The following SYNDIG1 variants were observed in gnomAD, a reference collection of about 807,000 sequenced individuals.
The protein encoded by SYNDIG1 is synapse differentiation inducing 1.
A neutral mutation model predicts 19.4 loss-of-function variants in SYNDIG1; 9 were observed. The observed-to-expected ratio is 0.46, with a 90% CI of 0.28 to 0.81. The LOEUF (loss-of-function observed/expected upper bound fraction) is 0.81. SYNDIG1 is among the 30% of genes least tolerant of loss of function. SYNDIG1 has a pLI of 0.12. For missense variants in SYNDIG1, 311 were observed against 343.3 expected, an observed-to-expected ratio of 0.91 and a Z score of 0.74; for synonymous variants, 141 against 145.9, an observed-to-expected ratio of 0.97 and a Z score of 0.24.
intron 1 of SYNDIG1, among the ~76,000 whole-genome samples, chr20:24,489,554 G>A (rs975432495): frequency 2.0e-5 from 3 of 151,918 alleles, no homozygotes; most frequent in African/African-American, 7.3e-5. Flanking sequence ...CATGCTCACA[G>A]GGACAGGCAC....
At chr20:24,483,573 C>T (rs571050880) in intron 1 of SYNDIG1, among the ~76,000 whole-genome samples, 80 of 152,342 alleles carry the variant, frequency 5.3e-4, no homozygotes, top group South Asian at 2.1e-3. Flanking sequence ...CTTGAAAGAG[C>T]GTGCTCTGCA....
intron 1 of SYNDIG1, among the ~76,000 whole-genome samples, chr20:24,522,388 G>A (rs1400002303): frequency 6.6e-6 from 1 of 152,134 alleles, no homozygotes; most frequent in Non-Finnish European, 1.5e-5. Flanking sequence ...CATGTACCTG[G>A]CCGCATCAAG....
chr20:24,557,828 C>T (rs544885667), intron 2 of SYNDIG1, among the ~76,000 whole-genome samples: 4 of 152,314 alleles, frequency 2.6e-5, no homozygotes, highest in African/African-American at 9.6e-5. Flanking sequence ...AACCACTGCT[C>T]TCTTCAAAGC....
chr20:24,527,374 T>C (rs2057145300), intron 1 of SYNDIG1, among the ~76,000 whole-genome samples: 1 of 152,204 alleles, frequency 6.6e-6, no homozygotes, highest in African/African-American at 2.4e-5. Context: ...TTTATTCTGG[T>C]AGTCACTTGT....
At position 24,619,095 on chromosome 20, in the gene SYNDIG1, C is replaced by T. The variant is rs2058997753; in HGVS notation, c.618+34102C>T. Among the ~76,000 whole-genome samples the T allele has an allele frequency of 2.0e-5, 3 of 152,042 alleles. 1 individual carries two copies. The highest frequency in any genetic ancestry group is 2.0e-4 in the Admixed American group (3 of 15,272). On this transcript the variant is annotated intron_variant, in intron 3 of 3. Coordinates refer to ENST00000376862, the MANE Select transcript of SYNDIG1 (RefSeq NM_024893.3). ...GAAGCCTCCTGGAATTTAAAACTGCCAAAAGGGTTAAAGAAAAGCTGTGGT... is the reference window on the plus strand; with the variant it reads ...GAAGCCTCCTGGAATTTAAAACTGCTAAAAGGGTTAAAGAAAAGCTGTGGT...
chr20:24,474,580 G>C (rs561294627), intron 1 of SYNDIG1, among the ~76,000 whole-genome samples: 2 of 152,234 alleles, frequency 1.3e-5, no homozygotes, highest in Non-Finnish European at 2.9e-5. Flanking sequence ...TCCGTGTTCA[G>C]TGTGAAAAAC....
At chr20:24,493,961 C>G (rs868233328) in intron 1 of SYNDIG1, among the ~76,000 whole-genome samples, 65 of 152,330 alleles carry the variant, frequency 4.3e-4, no homozygotes, top group African/African-American at 1.5e-3. Flanking sequence ...GGAGGAGACC[C>G]AGCCCTGGAA....
chr20:24,617,578 C>T (rs544922131), intron 3 of SYNDIG1, among the ~76,000 whole-genome samples: 1 of 152,338 alleles, frequency 6.6e-6, no homozygotes, highest in East Asian at 1.9e-4. Flanking sequence ...GGGCCCCAGA[C>T]ATAGGCAACC....
Position 24,573,739 on chromosome 20 carries a change from G to A in SYNDIG1, c.481-11117G>A, listed in dbSNP as rs140114251. Reference sequence around the variant, plus strand: ...GTTTCTCATCCTGCATGACGTATTCGTCATGTGTCTGTCACCTCCTCTCAA... The same window carrying A: ...GTTTCTCATCCTGCATGACGTATTCATCATGTGTCTGTCACCTCCTCTCAA... On this transcript the variant is annotated intron_variant, in intron 2 of 3. Coordinates refer to ENST00000376862, the MANE Select transcript of SYNDIG1 (RefSeq NM_024893.3). 1.1e-3 allele frequency among the ~76,000 whole-genome samples: 162 copies of A among 152,304 alleles called. 2 individuals are homozygous for A. The highest frequency in any genetic ancestry group is 3.6e-3 in the African/African-American group (151 of 41,552).
chr20:24,657,266 G>C (rs2059535448), intron 3 of SYNDIG1, among the ~76,000 whole-genome samples: 1 of 152,244 alleles, frequency 6.6e-6, no homozygotes, highest in Non-Finnish European at 1.5e-5. Context: ...TGGTGCAGCA[G>C]CCGCAGTTCC....
intron 1 of SYNDIG1, among the ~76,000 whole-genome samples, chr20:24,489,679 G>A (rs1480465439): frequency 6.6e-6 from 1 of 152,176 alleles, no homozygotes; most frequent in Non-Finnish European, 1.5e-5. Flanking sequence ...ACACAGAAAT[G>A]CACACACAGG....
intron 3 of SYNDIG1, among the ~76,000 whole-genome samples, chr20:24,650,940 A>G (rs1020780487): frequency 2.6e-5 from 4 of 152,140 alleles, no homozygotes; most frequent in South Asian, 2.1e-4. Context: ...GGCTCAAGCA[A>G]TTCTCCTGAG....
chr20:24,580,044 G>A (rs1020061051), intron 2 of SYNDIG1, among the ~76,000 whole-genome samples: 2 of 152,212 alleles, frequency 1.3e-5, no homozygotes, highest in East Asian at 3.8e-4. Context: ...GGCCCTGGAG[G>A]GCACCTGCCT....
intron 1 of SYNDIG1, among the ~76,000 whole-genome samples, chr20:24,531,224 C>T (rs144233659): frequency 1.4e-4 from 21 of 152,284 alleles, no homozygotes; most frequent in African/African-American, 4.8e-4. Flanking sequence ...TGATACTGCA[C>T]AATATAATCG....
chr20:24,560,766 T>G (rs2146876080), intron 2 of SYNDIG1, among the ~76,000 whole-genome samples: 1 of 151,622 alleles, frequency 6.6e-6, no homozygotes, highest in South Asian at 2.1e-4. Flanking sequence ...CTAGTATTTT[T>G]TGTTGTGGTT....
intron 3 of SYNDIG1, among the ~76,000 whole-genome samples, chr20:24,587,086 A>G (rs1197264682): frequency 6.6e-6 from 1 of 152,172 alleles, no homozygotes; most frequent in Non-Finnish European, 1.5e-5. Context: ...GAGGATTTCT[A>G]TTACTTGTTT....
chr20:24,486,487 A>T (rs1285324906), intron 1 of SYNDIG1, among the ~76,000 whole-genome samples: 1 of 152,208 alleles, frequency 6.6e-6, no homozygotes. Flanking sequence ...GCAGCAGCTG[A>T]ATCAGTTTTG....
At chr20:24,618,233 G>A (rs1294538360) in intron 3 of SYNDIG1, among the ~76,000 whole-genome samples, 1 of 149,234 alleles carries the variant, frequency 6.7e-6, no homozygotes, top group Non-Finnish European at 1.5e-5. Flanking sequence ...GAGAGAGCCC[G>A]GGGAGAGGGG....
At chr20:24,521,043 C>T (rs1023517339) in intron 1 of SYNDIG1, among the ~76,000 whole-genome samples, 11 of 152,148 alleles carry the variant, frequency 7.2e-5, no homozygotes, top group Non-Finnish European at 1.3e-4. Context: ...TTCTAGGTAC[C>T]TCATATAAGT....
Sources: gnomAD v4.1 joint callset for allele counts (sites outside exome capture counted in the v4.1 genomes callset) on GRCh38, gnomAD v4.1.1 for gene constraint, MANE v1.5 for transcripts, NCBI Gene and HGNC (gene_info 2026-07-23, HGNC 2026-07-21) for gene names.